The following TLN1 variants were observed in gnomAD, a reference collection of about 807,000 sequenced individuals.
TLN1 encodes talin-1.
Under a neutral mutation model 292.3 loss-of-function variants are expected in TLN1, and 56 were observed. The ratio of observed to expected loss-of-function variants is 0.19; its 90% confidence interval spans 0.15 to 0.24. The LOEUF (loss-of-function observed/expected upper bound fraction) is 0.24. TLN1 is among the 10% of genes least tolerant of loss of function. The pLI is 1.00. For missense variants in TLN1, 2,433 were observed against 3,248.2 expected (o/e 0.75, Z 6.10); for synonymous variants, 1,119 against 1,253.7 (o/e 0.89, Z 2.27).
In TLN1 at chr9:35,699,153, GTTC is replaced by G. The variant is rs751968163; in HGVS notation, c.6875_6877del (p.Gly2292_Thr2293delinsAla). The G allele has an allele frequency of 3.6e-5, 58 of 1,604,560 alleles. No individual in the cohort carries two copies. In the East Asian group the frequency reaches 1.3e-3, roughly 35 times the overall value. On this transcript the variant is annotated inframe_deletion and splice_region_variant, in exon 52 of 57. Coordinates refer to ENST00000314888, the MANE Select transcript of TLN1 (RefSeq NM_006289.4). This position sits in a 1 kb window ranked among gnomAD's most constrained non-coding sequence, Gnocchi z 4.0. Reference sequence around the variant, plus strand: ...GGGGTCCTCTGGGTCTACCCATTCTGTTCCTGGTGGGATGAAGGAAGAGGAAAG... The same window carrying G: ...GGGGTCCTCTGGGTCTACCCATTCTGCTGGTGGGATGAAGGAAGAGGAAAG...
At chr9:35,731,244 T>C (rs145774742) in intron 1 of TLN1, among the ~76,000 whole-genome samples, 325 of 152,306 alleles carry the variant, frequency 2.1e-3, no homozygotes, top group Admixed American at 2.9e-3. Context: ...AGGTCAACTA[T>C]GCTAGCCTCA....
chr9:35,716,671 A>C, intron 19 of TLN1, 115 bp from the exon 20 acceptor site: 2 of 1,120,640 alleles, frequency 1.8e-6, no homozygotes, highest in Middle Eastern at 3.0e-4. Flanking sequence ...TTAGGGACAG[A>C]AAAAGAGACT....
intron 48 of TLN1, among the ~76,000 whole-genome samples, chr9:35,701,693 T>C (rs897121341): frequency 6.6e-6 from 1 of 152,160 alleles, no homozygotes; most frequent in South Asian, 2.1e-4. Context: ...TAAGGACTGA[T>C]GATGGTTTGG....
Position 35,718,836 on chromosome 9 carries a change from T to G in TLN1, c.1971A>C (p.Glu657Asp), listed in dbSNP as rs747393772. ...CCTGGAAGTGGGGGTCAGTATCACTTTCCCCAATTTGTTGCAACAGCTCCC... is the reference window on the plus strand; with the variant it reads ...CCTGGAAGTGGGGGTCAGTATCACTGTCCCCAATTTGTTGCAACAGCTCCC... ...ASGELLQQIGESDTDPHFQDA... is the reference protein window; with the variant it reads ...ASGELLQQIGDSDTDPHFQDA... The change falls in exon 17 of 57, where the codon GAA becomes GAC. Residue 657 changes from glutamate to aspartate, a missense_variant. Glu to Asp is a conservative substitution (Grantham distance 45). Around this residue, in one of 7 missense-constraint regions of TLN1, gnomAD observed 617 missense variants for 770.6 expected, o/e 0.80. Transcript: ENST00000314888. 14 of 1,613,642 alleles carry G rather than the reference T, an allele frequency of 8.7e-6. No individual in the cohort carries two copies. Among genetic ancestry groups the G allele is most frequent in the Non-Finnish European group, 1.0e-5 (12 of 1,179,874 alleles).
intron 1 of TLN1, 47 bp from the exon 2 acceptor site, chr9:35,725,774 A>C: frequency 6.5e-7 from 1 of 1,549,198 alleles, no homozygotes; most frequent in Admixed American, 1.7e-5. Flanking sequence ...CTGGTGGGAG[A>C]AGAGGCCCCC....
chr9:35,716,282 G>A (rs1654645305), intron 20 of TLN1, 108 bp downstream of exon 20: 8 of 1,321,568 alleles, frequency 6.1e-6, no homozygotes, highest in South Asian at 1.4e-5. Context: ...TTGTCCTCTT[G>A]TGTTTTCTGC....
rs771869977 is a variant in TLN1, at chr9:35,724,002, C to G, written c.732G>C (p.Gln244His). 6.2e-7 allele frequency: 1 copy of G among 1,614,012 alleles called. No individual in the cohort carries two copies. Among genetic ancestry groups the G allele is most frequent in the East Asian group, 2.2e-5 (1 of 44,888 alleles). Residue 244 changes from glutamine (Q) to histidine (H), a missense_variant, in exon 7 of 57, where the codon CAG (glutamine) becomes CAC (histidine). This residue lies in a region of TLN1 where 78 missense variants were observed against 88.8 expected (regional missense o/e 0.88). Coordinates refer to ENST00000314888, the MANE Select transcript of TLN1 (RefSeq NM_006289.4). The surrounding 1 kb of genome is among the most constrained non-coding windows in gnomAD (Gnocchi z 4.7). ...GCTCATTGTGGGGCCCAAACTGGAT[C>G]TGGCATTGGAAGCCAGCAAACTCAC... is the stretch of plus-strand genomic sequence containing the variant. ...KACEFAGFQC[Q>H]IQFGPHNEQK...
At chr9:35,709,505 T>C (rs1383903358) in intron 33 of TLN1, among the ~76,000 whole-genome samples, 1 of 152,142 alleles carries the variant, frequency 6.6e-6, no homozygotes, top group Non-Finnish European at 1.5e-5. Context: ...TTACAGCTAA[T>C]AGGTAGTTTT....
At chr9:35,711,466 C>A in intron 29 of TLN1, 72 bp from the exon 30 acceptor site, 1 of 1,608,350 alleles carries the variant, frequency 6.2e-7, no homozygotes, top group South Asian at 1.1e-5. Flanking sequence ...TCTTCTTTCC[C>A]AGACACTCAA....
chr9:35,728,680 C>CA (rs1431354564), intron 1 of TLN1, among the ~76,000 whole-genome samples: 1 of 152,224 alleles, frequency 6.6e-6, no homozygotes, highest in Non-Finnish European at 1.5e-5. Flanking sequence ...CCTATGCACA[C>CA]AGCTTTTGCA....
At position 35,707,100 on chromosome 9, in the gene TLN1, A is replaced by C. The variant is rs754472265; in HGVS notation, c.4927T>G (p.Ser1643Ala). 1.4e-5 allele frequency: 23 copies of C among 1,612,392 alleles called. No homozygotes were observed. The highest frequency in any genetic ancestry group is 1.9e-5 in the Non-Finnish European group (22 of 1,179,618). ...ATGCTTGTAATTAGCTTCTTGATGG[A>C]GTCTGAGACAGTACGGGAGTGGCCG... is the stretch of plus-strand genomic sequence containing the variant. Reference protein sequence around the residue: ...LAGHSRTVSDSIKKLITSMRD... With the variant: ...LAGHSRTVSDAIKKLITSMRD... Residue 1643 changes from serine (S) to alanine (A), a missense_variant, in exon 37 of 57, where the codon TCC (serine) becomes GCC (alanine). Ser to Ala is a moderately conservative substitution (Grantham distance 99). Coordinates refer to ENST00000314888, the MANE Select transcript of TLN1 (RefSeq NM_006289.4). The surrounding 1 kb of genome is among the most constrained non-coding windows in gnomAD (Gnocchi z 5.6).
chr9:35,714,452 T>A lies in TLN1; in HGVS notation c.2986-79A>T, dbSNP rs183649405. The A allele has an allele frequency of 6.3e-7, 1 of 1,576,434 alleles. No individual in the cohort carries two copies. Among genetic ancestry groups the A allele is most frequent in the Non-Finnish European group, 8.6e-7 (1 of 1,164,238 alleles). ...GTACAAGGACTGATGATGGTCAGGA[T>A]GTAGGGAACACTGGGGCTTGGTATT... On this transcript the variant is annotated intron_variant, in intron 23 of 56. Coordinates refer to ENST00000314888, the MANE Select transcript of TLN1 (RefSeq NM_006289.4). This position sits in a 1 kb window ranked among gnomAD's most constrained non-coding sequence, Gnocchi z 4.6.
chr9:35,704,712 G>A lies in TLN1; in HGVS notation c.5837C>T (p.Thr1946Ile), dbSNP rs766206728. ...GGCACACTCTATGAGCTCCTTCTTG[G>A]TGTAGGCATCACTGGGGCTGCACTG... is the stretch of plus-strand genomic sequence containing the variant. ...ALQCSPSDAY[T>I]KKELIECARR... Residue 1946 changes from threonine to isoleucine, a missense_variant, in exon 44 of 57, where the codon ACC (threonine) becomes ATC (isoleucine). Physicochemically the swap from Thr to Ile is moderately conservative, Grantham distance 89. This residue lies in a region of TLN1 where 1,384 missense variants were observed against 1,699.6 expected (regional missense o/e 0.81). Transcript: ENST00000314888. This position sits in a 1 kb window ranked among gnomAD's most constrained non-coding sequence, Gnocchi z 6.9. 1 of 1,614,172 alleles carries A rather than the reference G, an allele frequency of 6.2e-7. No individual in the cohort carries two copies. The highest frequency in any genetic ancestry group is 8.5e-7 in the Non-Finnish European group (1 of 1,180,032).
At chr9:35,716,680 C>G (rs1825789180) in intron 19 of TLN1, 124 bp from the exon 20 acceptor site, 1 of 1,006,676 alleles carries the variant, frequency 9.9e-7, no homozygotes, top group African/African-American at 1.6e-5. Context: ...GAAAAAGAGA[C>G]TGGCAAAAGC....
chr9:35,710,799 T>C lies in TLN1; in HGVS notation c.4201A>G (p.Lys1401Glu), dbSNP rs941890715. Residue 1401 changes from lysine (K) to glutamate (E), a missense_variant and splice_region_variant, in exon 32 of 57, where the codon AAG (lysine) becomes GAG (glutamate). Around this residue, in one of 7 missense-constraint regions of TLN1, gnomAD observed 1,384 missense variants for 1,699.6 expected, o/e 0.81. Coordinates refer to ENST00000314888, the MANE Select transcript of TLN1 (RefSeq NM_006289.4). ...GCLDSVMENS[K>E]VLGEAMTGIS... ...TCCGAGTTCCTGGCTGTGCTGACCT[T>C]TGAGTTCTCCATTACACTGTCCAGG... 1.9e-6 allele frequency: 3 copies of C among 1,614,210 alleles called. No homozygotes were observed. Among genetic ancestry groups the C allele is most frequent in the Admixed American group, 1.7e-5 (1 of 60,024 alleles).
At position 35,719,107 on chromosome 9, in the gene TLN1, T is replaced by C; in HGVS notation, c.1863A>G (p.Glu621=). The C allele has an allele frequency of 6.2e-7, 1 of 1,613,878 alleles. No homozygotes were observed. Among genetic ancestry groups the C allele is most frequent in the South Asian group, 1.1e-5 (1 of 91,068 alleles). The part of the protein sequence containing the change: ...AAKGLAGAVS[E]LLRSAQPASA... Reference sequence around the variant, plus strand: ...TGGCTGGTTGGGCACTGCGCAGCAGTTCTGACACTGCTCCCGCAAGGCCCT... The same window carrying C: ...TGGCTGGTTGGGCACTGCGCAGCAGCTCTGACACTGCTCCCGCAAGGCCCT... Residue 621 remains glutamate (E), a synonymous_variant, in exon 16 of 57, where the codon GAA becomes GAG. Transcript: ENST00000314888. The surrounding 1 kb of genome is among the most constrained non-coding windows in gnomAD (Gnocchi z 4.6).
At chr9:35,726,313 C>A (rs985900745) in intron 1 of TLN1, among the ~76,000 whole-genome samples, 2 of 152,340 alleles carry the variant, frequency 1.3e-5, no homozygotes, top group South Asian at 4.1e-4. Context: ...CCTGCCCCAC[C>A]ACTGGAATTT....
In TLN1 at chr9:35,710,842, G is replaced by A; in HGVS notation, c.4158C>T (p.Asp1386=). The A allele has an allele frequency of 6.2e-7, 1 of 1,614,246 alleles. No individual in the cohort carries two copies. Among genetic ancestry groups the A allele is most frequent in the Non-Finnish European group, 8.5e-7 (1 of 1,180,048 alleles). ...LLENPVQPIN[D]MSYFGCLDSV... ...TGTCCAGGCAACCAAAGTAGGACATGTCATTGATGGGCTGGACTGGGTTCT... is the reference window on the plus strand; with the variant it reads ...TGTCCAGGCAACCAAAGTAGGACATATCATTGATGGGCTGGACTGGGTTCT... The change falls in exon 32 of 57, where the codon GAC becomes GAT. Residue 1386 remains aspartate, a synonymous_variant. Coordinates refer to ENST00000314888, the MANE Select transcript of TLN1 (RefSeq NM_006289.4).
rs1427951319 is a variant in TLN1, at chr9:35,704,907, A to C, written c.5734-92T>G. 3 of 1,441,168 alleles carry C rather than the reference A, an allele frequency of 2.1e-6. No homozygotes were observed. The highest frequency in any genetic ancestry group is 2.2e-5 in the Admixed American group (1 of 45,894). The allele number at this position is 1,441,168 out of a possible 1,614,324, so 89.3% of individuals were successfully genotyped here. ...AAAAGTCACTAAGGACATAGAAAAA[A>C]ACATGCATTGTAGACTAAAGAAGCA... On this transcript the variant is annotated intron_variant, in intron 43 of 56. Coordinates refer to ENST00000314888, the MANE Select transcript of TLN1 (RefSeq NM_006289.4). This position sits in a 1 kb window ranked among gnomAD's most constrained non-coding sequence, Gnocchi z 6.9.
Sources: allele counts gnomAD v4.1 joint callset (sites outside exome capture counted in the v4.1 genomes callset), GRCh38; gene constraint gnomAD v4.1.1; regional missense constraint gnomAD v4.1.1; non-coding constraint Gnocchi (gnomAD v3.1); transcripts MANE v1.5; gene names NCBI Gene and HGNC (gene_info 2026-07-23, HGNC 2026-07-21).